TDRD9: variants seen among roughly 807,000 people sequenced by gnomAD.
TDRD9 encodes tudor domain containing 9, also known as ATP-dependent RNA helicase TDRD9.
In TDRD9, 124 loss-of-function variants were observed where a neutral mutation model predicts 172.6. That is an observed-to-expected ratio of 0.72 (90% CI 0.62 to 0.83). The LOEUF is 0.83. TDRD9 is among the 40% of genes least tolerant of loss of function. The pLI, the probability that TDRD9 is intolerant of heterozygous loss-of-function variation, is 0.00. For synonymous variants in TDRD9, 619 were observed against 617.1 expected, an observed-to-expected ratio of 1.00 and a Z score of -0.05; for missense variants, 1,479 against 1,714.1, an observed-to-expected ratio of 0.86 and a Z score of 2.42.
At chr14:104,044,868 C>A (rs1002220481) in intron 34 of TDRD9, among the ~76,000 whole-genome samples, 2 of 152,174 alleles carry the variant, frequency 1.3e-5, no homozygotes, top group African/African-American at 4.8e-5. Flanking sequence ...CAGGGCCAGA[C>A]GTATTGGCTT....
chr14:104,046,853 C>T (rs9707239), intron 34 of TDRD9, among the ~76,000 whole-genome samples: 144,588 of 152,246 alleles, frequency 0.95, 69,096 homozygotes, highest in East Asian at 1. Context: ...TCACTGTGTT[C>T]GCCAGGATGG....
chr14:103,944,120 T>C (rs529935865), intron 1 of TDRD9, among the ~76,000 whole-genome samples: 1 of 147,566 alleles, frequency 6.8e-6, no homozygotes, highest in East Asian at 2.1e-4. Context: ...TATCAGAACA[T>C]ATTGGATATG....
intron 7 of TDRD9, among the ~76,000 whole-genome samples, chr14:103,975,797 T>C (rs945703279): frequency 2.0e-5 from 3 of 152,260 alleles, no homozygotes; most frequent in African/African-American, 7.2e-5. Flanking sequence ...TAATTATCTT[T>C]AACATTTATC....
intron 8 of TDRD9, among the ~76,000 whole-genome samples, chr14:103,990,946 GA>G (rs1239801644): frequency 1.3e-5 from 2 of 152,198 alleles, no homozygotes; most frequent in Non-Finnish European, 2.9e-5. Flanking sequence ...AAAGTATTGG[GA>G]GTCAAAAGGC....
intron 1 of TDRD9, among the ~76,000 whole-genome samples, chr14:103,931,276 G>T (rs1389013721): frequency 6.6e-6 from 1 of 150,444 alleles, no homozygotes; most frequent in Non-Finnish European, 1.5e-5. Context: ...TCCAGCCTGG[G>T]TGACAGAATG....
intron 7 of TDRD9, among the ~76,000 whole-genome samples, chr14:103,975,902 C>T (rs2033216817): frequency 6.6e-6 from 1 of 152,290 alleles, no homozygotes; most frequent in East Asian, 1.9e-4. Flanking sequence ...TGCTCTAGAA[C>T]ACGAAAACTG....
chr14:103,943,318 T>TA (rs887195167), intron 1 of TDRD9, among the ~76,000 whole-genome samples: 2 of 151,664 alleles, frequency 1.3e-5, no homozygotes. Flanking sequence ...CTGGCTAGTT[T>TA]AAAAAAATAT....
intron 1 of TDRD9, among the ~76,000 whole-genome samples, chr14:103,938,434 ATATATATTTT>A (rs1566723323): frequency 5.4e-4 from 19 of 34,930 alleles, no homozygotes; most frequent in East Asian, 1.0e-3. Flanking sequence ...ATATATATAT[ATATATATTTT>A]TTTTTTTTTT....
chr14:104,044,016 C>A (rs2035688734), intron 34 of TDRD9, among the ~76,000 whole-genome samples: 1 of 152,170 alleles, frequency 6.6e-6, no homozygotes, highest in African/African-American at 2.4e-5. Context: ...CTGCTTAAGC[C>A]TGTGTGTCAT....
chr14:104,031,382 C>T, intron 29 of TDRD9, 119 bp downstream of exon 29: 2 of 805,936 alleles, frequency 2.5e-6, no homozygotes, highest in South Asian at 2.0e-5. Flanking sequence ...AATGCTGTTA[C>T]TTTTCTCACA....
intron 20 of TDRD9, among the ~76,000 whole-genome samples, chr14:104,008,873 C>G (rs1438787198): frequency 6.6e-6 from 1 of 151,932 alleles, no homozygotes; most frequent in Non-Finnish European, 1.5e-5. Context: ...GTGATCGCAC[C>G]AATATATTCT....
At chr14:103,955,424 A>G (rs2032145813) in intron 1 of TDRD9, among the ~76,000 whole-genome samples, 1 of 152,180 alleles carries the variant, frequency 6.6e-6, no homozygotes, top group Non-Finnish European at 1.5e-5. Flanking sequence ...TTTACCATAA[A>G]TGTATCTCTC....
intron 23 of TDRD9, among the ~76,000 whole-genome samples, chr14:104,019,279 C>G (rs1025935603): frequency 6.6e-6 from 1 of 152,180 alleles, no homozygotes; most frequent in African/African-American, 2.4e-5. Flanking sequence ...ATTGCAGCAT[C>G]TTTGTTCCCT....
chr14:104,044,440 CG>C (rs1453669833), intron 34 of TDRD9, among the ~76,000 whole-genome samples: 1 of 152,186 alleles, frequency 6.6e-6, no homozygotes, highest in African/African-American at 2.4e-5. Flanking sequence ...TGTTGAGGAT[CG>C]AAAGTTCCCC....
chr14:104,042,933 T>A (rs959074404), intron 34 of TDRD9, among the ~76,000 whole-genome samples: 2 of 152,174 alleles, frequency 1.3e-5, no homozygotes, highest in Non-Finnish European at 2.9e-5. Context: ...AAGCATTTTT[T>A]AAAAAGCTAT....
At chr14:104,039,454 G>A (rs2035547233) in intron 32 of TDRD9, among the ~76,000 whole-genome samples, 1 of 152,240 alleles carries the variant, frequency 6.6e-6, no homozygotes, top group African/African-American at 2.4e-5. Flanking sequence ...AATTCACAGT[G>A]TGGTTGGAAA....
In TDRD9 at chr14:104,049,681, G is replaced by A. The variant is rs376378742; in HGVS notation, c.4047+1G>A. 7 of 1,579,010 alleles carry A rather than the reference G, an allele frequency of 4.4e-6. No homozygotes were observed. The highest frequency in any genetic ancestry group is 6.0e-6 in the Non-Finnish European group (7 of 1,162,752). On this transcript the variant is annotated splice_donor_variant, in intron 35 of 35. Coordinates refer to ENST00000409874, the MANE Select transcript of TDRD9 (RefSeq NM_153046.3). LOFTEE classifies it high-confidence loss of function. Reference sequence around the variant, plus strand: ...TGAAAAGCCCTACGAGTGGAATCAGGTGAGTGGGACGCAGGCTGCTACATG... The same window carrying A: ...TGAAAAGCCCTACGAGTGGAATCAGATGAGTGGGACGCAGGCTGCTACATG...
At chr14:103,969,667 T>G (rs1332700424) in intron 5 of TDRD9, among the ~76,000 whole-genome samples, 1 of 152,198 alleles carries the variant, frequency 6.6e-6, no homozygotes, top group Non-Finnish European at 1.5e-5. Flanking sequence ...TCTTTGAAAC[T>G]TAGTAATTAT....
Position 103,974,957 on chromosome 14 carries a change from GAC to G in TDRD9, c.847-430_847-429del, listed in dbSNP as rs544272253. 3.2e-3 allele frequency among the ~76,000 whole-genome samples: 482 copies of G among 151,948 alleles called. 5 individuals are homozygous for G. Among genetic ancestry groups the G allele is most frequent in the African/African-American group, 0.011 (467 of 41,448 alleles). On this transcript the variant is annotated intron_variant, in intron 6 of 35. Coordinates refer to ENST00000409874, the MANE Select transcript of TDRD9 (RefSeq NM_153046.3). The stretch of plus-strand genomic sequence containing the variant: ...ATTAATTAATTTATTTTTTTGTAGA[GAC>G]AGTGGTCTCATGTTGTTGCTCAGGC...
Sources: gnomAD v4.1 joint callset for allele counts (sites outside exome capture counted in the v4.1 genomes callset) on GRCh38, gnomAD v4.1.1 for gene constraint, MANE v1.5 for transcripts, NCBI Gene and HGNC (gene_info 2026-07-23, HGNC 2026-07-21) for gene names.